Variants in UGT1A7 observed in about 807,000 individuals in gnomAD.
UGT1A7 encodes UDP-glucuronosyltransferase 1A7.
In UGT1A7, 33 loss-of-function variants were observed where a neutral mutation model predicts 45.6. The observed-to-expected ratio is 0.72, with a 90% confidence interval of 0.55 to 0.97. The LOEUF (loss-of-function observed/expected upper bound fraction) is 0.97, where lower values mean the gene tolerates loss of function less well. UGT1A7 is among the 50% of genes least tolerant of loss of function. The pLI, the probability that UGT1A7 is intolerant of heterozygous loss-of-function variation, is 0.00. For missense variants in UGT1A7, 684 were observed against 666.2 expected (o/e 1.03, Z -0.29); for synonymous variants, 274 against 250.6 (o/e 1.09, Z -0.88).
intron 1 of UGT1A7, among the ~76,000 whole-genome samples, chr2:233,762,865 T>G (rs1473495061): frequency 6.6e-6 from 1 of 152,238 alleles, no homozygotes; most frequent in Non-Finnish European, 1.5e-5. Context: ...TAAAGAAATT[T>G]TGGTTTCTTC....
intron 4 of UGT1A7, chr2:233,771,391 T>C (rs562546600): frequency 6.6e-6 from 1 of 152,294 alleles, no homozygotes; most frequent in East Asian, 1.9e-4. Flanking sequence ...GATGTTCTGA[T>C]TGGGCAATGA....
chr2:233,717,023 A>G (rs1412989912), intron 1 of UGT1A7, among the ~76,000 whole-genome samples: 5 of 152,160 alleles, frequency 3.3e-5, no homozygotes, highest in Admixed American at 6.5e-5. Flanking sequence ...AGGCACCACC[A>G]TCTTCCAAGA....
intron 1 of UGT1A7, among the ~76,000 whole-genome samples, chr2:233,724,466 G>T (rs1369027656): frequency 2.6e-5 from 2 of 77,260 alleles, no homozygotes; most frequent in African/African-American, 4.9e-5. Context: ...GGGCGGAGGG[G>T]CTCCTCACTT....
chr2:233,700,965 C>T (rs573985854), intron 1 of UGT1A7, among the ~76,000 whole-genome samples: 8 of 151,868 alleles, frequency 5.3e-5, no homozygotes, highest in East Asian at 3.9e-4. Context: ...TGAGAACATG[C>T]GGTGTTTGAT....
At chr2:233,682,827 T>A (rs771011097) in intron 1 of UGT1A7, 35 bp downstream of exon 1, 7 of 1,565,042 alleles carry the variant, frequency 4.5e-6, no homozygotes, top group South Asian at 2.4e-5. Flanking sequence ...TTAAGAATAA[T>A]CTGGCTTTGG....
chr2:233,693,551 A>T (rs752625258), intron 1 of UGT1A7: 2 of 1,614,068 alleles, frequency 1.2e-6, no homozygotes, highest in Non-Finnish European at 1.7e-6. Flanking sequence ...GCATACATTC[A>T]GCAGAAGCCC....
At position 233,690,380 on chromosome 2, in the gene UGT1A7, C is replaced by T. The variant is rs188057547; in HGVS notation, c.855+7588C>T. 2.1e-4 allele frequency: 211 copies of T among 988,552 alleles called. 1 individual carries two copies. The African/African-American group carries it at 2.4e-3, about 11-fold the overall frequency. The allele number at this position is 988,552 out of a possible 1,614,324, so 61.2% of individuals were successfully genotyped here. On this transcript the variant is annotated intron_variant, in intron 1 of 4. Transcript: ENST00000373426. ...GAAGCAAACCTCTCCATAGGGTCCA[C>T]GTTTCCAGACCTTCCTATTCCCAAC... is the stretch of plus-strand genomic sequence containing the variant.
At chr2:233,687,171 A>C (rs6753569) in intron 1 of UGT1A7, among the ~76,000 whole-genome samples, 59,784 of 152,048 alleles carry the variant, frequency 0.39, 11,945 homozygotes, top group South Asian at 0.45. Flanking sequence ...TGGCATGTGG[A>C]TATGAATCAG....
intron 1 of UGT1A7, among the ~76,000 whole-genome samples, chr2:233,705,148 AAG>A (rs939982250): frequency 6.6e-5 from 10 of 150,986 alleles, no homozygotes; most frequent in African/African-American, 4.9e-5. Context: ...AAAAAAAAAA[AAG>A]AGAGAGAGAG....
At chr2:233,746,235 C>T (rs565676121) in intron 1 of UGT1A7, among the ~76,000 whole-genome samples, 3 of 151,598 alleles carry the variant, frequency 2.0e-5, no homozygotes, top group Non-Finnish European at 4.4e-5. Flanking sequence ...ATGCAAACTG[C>T]TAAAAGATAC....
intron 1 of UGT1A7, among the ~76,000 whole-genome samples, chr2:233,686,387 G>A (rs2074786384): frequency 2.0e-5 from 3 of 152,152 alleles, no homozygotes; most frequent in South Asian, 2.1e-4. Flanking sequence ...AAGACAACTC[G>A]TGTGGGCGCC....
intron 1 of UGT1A7, chr2:233,729,207 G>C (rs6706232): frequency 6.2e-7 from 1 of 1,613,766 alleles, no homozygotes; most frequent in Non-Finnish European, 8.5e-7. Flanking sequence ...CCTGGGCTGA[G>C]AGTGGAAAGG....
chr2:233,772,315 A>T lies in UGT1A7; in HGVS notation c.1349A>T (p.Glu450Val). The change falls in exon 5 of 5, where the codon GAG becomes GTG. Residue 450 changes from glutamate to valine, a missense_variant. Physicochemically the swap from Glu to Val is moderately radical, Grantham distance 121. Transcript: ENST00000373426. ...AGCCTTCACAAGGACCGCCCGGTGG[A>T]GCCGCTGGACCTGGCCGTGTTCTGG... ...LSSLHKDRPV[E>V]PLDLAVFWVE... is the part of the protein sequence containing the mutation. 1 of 1,614,114 alleles carries T rather than the reference A, an allele frequency of 6.2e-7. No individual in the cohort carries two copies. The highest frequency in any genetic ancestry group is 8.5e-7 in the Non-Finnish European group (1 of 1,180,032).
chr2:233,728,187 T>G (rs1430038112), intron 1 of UGT1A7, among the ~76,000 whole-genome samples: 5 of 152,222 alleles, frequency 3.3e-5, no homozygotes, highest in Non-Finnish European at 7.3e-5. Flanking sequence ...TATCAGAACT[T>G]GGTGCTGGAT....
intron 1 of UGT1A7, among the ~76,000 whole-genome samples, chr2:233,763,438 G>A (rs1487731202): frequency 6.6e-6 from 1 of 152,146 alleles, no homozygotes; most frequent in African/African-American, 2.4e-5. Context: ...GCTTTAATAA[G>A]TGCATTTTGC....
intron 1 of UGT1A7, among the ~76,000 whole-genome samples, chr2:233,697,557 G>A (rs1418823193): frequency 2.0e-5 from 3 of 146,378 alleles, no homozygotes; most frequent in African/African-American, 7.6e-5. Context: ...TGTTTATTTA[G>A]CCTCAATTTA....
intron 1 of UGT1A7, among the ~76,000 whole-genome samples, chr2:233,690,306 T>C (rs2074984284): frequency 6.6e-6 from 1 of 152,220 alleles, no homozygotes. Context: ...CTGGCTCCAT[T>C]ACTTATGGGT....
rs377501831 is a variant in UGT1A7, at chr2:233,767,899, G to A, written c.1038G>A (p.Thr346=). The A allele has an allele frequency of 2.4e-5, 38 of 1,614,024 alleles. No homozygotes were observed. Among genetic ancestry groups the A allele is most frequent in the Admixed American group, 8.3e-5 (5 of 59,994 alleles). ...GTRPSNLANN[T]ILVKWLPQND... ...GACCATCGAATCTTGCGAACAACAC[G>A]ATACTTGTTAAGTGGCTACCCCAAA... The change falls in exon 3 of 5, where the codon ACG becomes ACA. Residue 346 remains threonine (T), a synonymous_variant. Transcript: ENST00000373426.
At position 233,682,075 on chromosome 2, in the gene UGT1A7, G is replaced by A. The variant is rs1454288387; in HGVS notation, c.138G>A (p.Glu46=). ...SHWFTMQSVV[E]KLILRGHEVV... is the part of the protein sequence containing the mutation. ...GGTTCACCATGCAGTCGGTGGTGGA[G>A]AAACTCATCCTCAGGGGGCATGAGG... Residue 46 remains glutamate, a synonymous_variant, in exon 1 of 5, where the codon GAG becomes GAA. Coordinates refer to ENST00000373426, the MANE Select transcript of UGT1A7 (RefSeq NM_019077.3). 3 of 1,614,128 alleles carry A rather than the reference G, an allele frequency of 1.9e-6. No homozygotes were observed. The highest frequency in any genetic ancestry group is 4.5e-5 in the East Asian group (2 of 44,884).
Sources: gnomAD v4.1 joint callset for allele counts (sites outside exome capture counted in the v4.1 genomes callset) on GRCh38, gnomAD v4.1.1 for gene constraint, MANE v1.5 for transcripts, NCBI Gene and HGNC (gene_info 2026-07-23, HGNC 2026-07-21) for gene names.